The following ZFP64 variants were observed in gnomAD, a reference collection of about 807,000 sequenced individuals.
The protein encoded by ZFP64 is ZFP64 zinc finger protein.
Under a neutral mutation model 51.6 loss-of-function variants are expected in ZFP64, and 14 were observed. The observed-to-expected ratio is 0.27, with a 90% CI of 0.18 to 0.42. The LOEUF (loss-of-function observed/expected upper bound fraction) is 0.42, where lower values mean the gene tolerates loss of function less well. Among genes scored for constraint, ZFP64 ranks in the 10% least tolerant of loss-of-function variants. The probability of loss-of-function intolerance (pLI) is 1.00; values close to 1 mark genes in which losing one functional copy is unlikely to be tolerated. For synonymous variants in ZFP64, 375 were observed against 361.4 expected (o/e 1.04, Z -0.43); for missense variants, 754 against 906.8 (o/e 0.83, Z 2.16).
intron 2 of ZFP64, among the ~76,000 whole-genome samples, chr20:52,180,711 G>A (rs1301329181): frequency 6.6e-6 from 1 of 152,102 alleles, no homozygotes; most frequent in Admixed American, 6.5e-5. Context: ...AGCTCGAAAT[G>A]GCTTCCATGT....
Position 52,088,442 on chromosome 20 carries a change from TA to T in ZFP64, c.1177del (p.Tyr393MetfsTer37). 1.2e-6 allele frequency: 2 copies of T among 1,614,090 alleles called. No individual in the cohort carries two copies. The highest frequency in any genetic ancestry group is 2.2e-5 in the East Asian group (1 of 44,874). ...GAGCTGGCTGGAGTTGCGGCTGGCA[TA>T]GGGGCAGAGCTGGCATTTGTACGGC... On this transcript the variant is annotated frameshift_variant, in exon 8 of 9. Coordinates refer to the ZFP64 transcript ENST00000361387. LOFTEE classifies it high-confidence loss of function.
downstream of ZFP64, among the ~76,000 whole-genome samples, chr20:52,147,743 C>T (rs942107311): frequency 1.3e-5 from 2 of 152,038 alleles, no homozygotes; most frequent in African/African-American, 4.8e-5. Flanking sequence ...GACCGGGCAC[C>T]GTGGCTCACA....
chr20:52,168,824 G>C (rs1982487299), intron 2 of ZFP64, among the ~76,000 whole-genome samples: 1 of 152,214 alleles, frequency 6.6e-6, no homozygotes, highest in Non-Finnish European at 1.5e-5. Flanking sequence ...TATCTTGGAA[G>C]ACATTTTAAA....
At chr20:52,162,697 CA>C (rs1251574930) in intron 4 of ZFP64, among the ~76,000 whole-genome samples, 1 of 152,118 alleles carries the variant, frequency 6.6e-6, no homozygotes, top group Non-Finnish European at 1.5e-5. Flanking sequence ...AATCCAGGAA[CA>C]ATAATTTACC....
intron 5 of ZFP64, among the ~76,000 whole-genome samples, chr20:52,127,608 G>C (rs1356545662): frequency 6.6e-6 from 1 of 152,178 alleles, no homozygotes; most frequent in Non-Finnish European, 1.5e-5. Flanking sequence ...CAGCCATGCT[G>C]AACTGTGAGT....
intron 3 of ZFP64, 87 bp from the exon 4 acceptor site, chr20:52,164,844 G>T: frequency 9.2e-7 from 1 of 1,084,470 alleles, no homozygotes; most frequent in Non-Finnish European, 1.4e-6. Context: ...CCTTAACCAA[G>T]TGACAAGAGT....
At chr20:52,125,408 CT>C (rs1159875264) in intron 5 of ZFP64, among the ~76,000 whole-genome samples, 3 of 152,218 alleles carry the variant, frequency 2.0e-5, no homozygotes, top group African/African-American at 7.2e-5. Context: ...GCCTATGATG[CT>C]GCAGGTGGCA....
chr20:52,170,776 G>A (rs1982653399), intron 2 of ZFP64, among the ~76,000 whole-genome samples: 1 of 152,196 alleles, frequency 6.6e-6, no homozygotes, highest in South Asian at 2.1e-4. Flanking sequence ...CTGACTGTGT[G>A]CCAGGAACTG....
At chr20:52,096,717 C>T (rs1231016663) in intron 7 of ZFP64, 3 of 191,720 alleles carry the variant, frequency 1.6e-5, no homozygotes, top group African/African-American at 2.3e-5. Context: ...GGCAAAACCC[C>T]GTCTCTACTA....
At chr20:52,095,663 C>T (rs2078980701) in intron 7 of ZFP64, among the ~76,000 whole-genome samples, 1 of 152,190 alleles carries the variant, frequency 6.6e-6, no homozygotes, top group Non-Finnish European at 1.5e-5. Context: ...TTACCTGACT[C>T]AAGAACAAGG....
chr20:52,097,060 G>A (rs2078996293), intron 7 of ZFP64: 2 of 680,728 alleles, frequency 2.9e-6, no homozygotes, highest in Non-Finnish European at 5.6e-6. Context: ...CATAGATTAT[G>A]GCACTCCTTT....
chr20:52,114,232 A>C (rs4809890), intron 5 of ZFP64, among the ~76,000 whole-genome samples: 8,074 of 152,330 alleles, frequency 0.053, 285 homozygotes, highest in Admixed American at 0.11. Flanking sequence ...CCCGATAGAA[A>C]AGATTAAACA....
chr20:52,163,130 G>A (rs957679213), intron 4 of ZFP64, among the ~76,000 whole-genome samples: 5 of 152,170 alleles, frequency 3.3e-5, no homozygotes, highest in African/African-American at 1.2e-4. Flanking sequence ...GGAGGCCAAG[G>A]TGGGTGGATC....
chr20:52,166,144 G>A (rs371885212), intron 2 of ZFP64, 119 bp from the exon 3 acceptor site: 92 of 1,018,214 alleles, frequency 9.0e-5, no homozygotes, highest in Admixed American at 8.0e-4. Flanking sequence ...CCTCCCTTGC[G>A]GCTTCACAGT....
chr20:52,186,440 A>G (rs1268518330), intron 2 of ZFP64, among the ~76,000 whole-genome samples: 2 of 151,918 alleles, frequency 1.3e-5, no homozygotes, highest in South Asian at 4.1e-4. Context: ...TAACAACAAC[A>G]TGCTTTTTGG....
chr20:52,084,641 C>A, exon 9 of ZFP64: 1 of 1,614,170 alleles, frequency 6.2e-7, no homozygotes, highest in Non-Finnish European at 8.5e-7. Flanking sequence ...CACCGCTTTC[C>A]GGTGGGAAGG....
At chr20:52,171,583 G>A (rs369843576) in intron 2 of ZFP64, among the ~76,000 whole-genome samples, 6 of 151,780 alleles carry the variant, frequency 4.0e-5, no homozygotes, top group Admixed American at 2.0e-4. Flanking sequence ...TCCGCCTCCC[G>A]GGTTCAAGTG....
downstream of ZFP64, among the ~76,000 whole-genome samples, chr20:52,150,479 C>CT (rs1413609418): frequency 2.6e-5 from 4 of 152,098 alleles, no homozygotes; most frequent in Non-Finnish European, 5.9e-5. Context: ...GGGCTGTAAG[C>CT]AATAAGTTTA....
rs1474442697 is a variant in ZFP64, at chr20:52,136,241, G to A, written c.763+23882C>T. The stretch of plus-strand genomic sequence containing the variant: ...TTCCTAAAACTGATCACCTAAGAAC[G>A]CGCAGAGAAAGTGACCCATTATTAA... On this transcript the variant is annotated intron_variant, in intron 5 of 8. Coordinates refer to the ZFP64 transcript ENST00000361387. Among the ~76,000 whole-genome samples, 6 of 151,550 alleles carry A rather than the reference G, an allele frequency of 4.0e-5. No individual in the cohort carries two copies. In the South Asian group the frequency reaches 6.2e-4, roughly 16 times the overall value.
Sources: gnomAD v4.1 joint callset for allele counts (sites outside exome capture counted in the v4.1 genomes callset) on GRCh38, gnomAD v4.1.1 for gene constraint, MANE v1.5 for transcripts, NCBI Gene and HGNC (gene_info 2026-07-23, HGNC 2026-07-21) for gene names.